Variants in NOTCH2 observed in about 807,000 individuals in gnomAD.
NOTCH2 encodes notch receptor 2, also known as neurogenic locus notch homolog protein 2.
NOTCH2 carries 29 observed loss-of-function variants against 235.8 expected under a neutral mutation model. The ratio of observed to expected loss-of-function variants is 0.12; its 90% confidence interval spans 0.09 to 0.17. NOTCH2 has a LOEUF of 0.17. Ranked by LOEUF, NOTCH2 falls within the 10% of genes least tolerant of loss-of-function variation. The pLI, the probability that NOTCH2 is intolerant of heterozygous loss-of-function variation, is 1.00. For synonymous variants in NOTCH2, 1,086 were observed against 1,141.5 expected, an observed-to-expected ratio of 0.95 and a Z score of 0.98; for missense variants, 2,285 against 3,150.2, an observed-to-expected ratio of 0.73 and a Z score of 6.57.
At chr1:119,983,280 A>G (rs1651881788) in intron 5 of NOTCH2, among the ~76,000 whole-genome samples, 1 of 151,710 alleles carries the variant, frequency 6.6e-6, no homozygotes, top group Non-Finnish European at 1.5e-5. Flanking sequence ...TAGCCTCCCA[A>G]GTGACCAGGA....
chr1:119,973,606 G>T lies in NOTCH2; in HGVS notation c.875-3862C>A, dbSNP rs1488641229. 3.3e-5 allele frequency among the ~76,000 whole-genome samples: 5 copies of T among 152,298 alleles called. No individual in the cohort carries two copies. The East Asian group carries it at 9.6e-4, about 29-fold the overall frequency. On this transcript the variant is annotated intron_variant, in intron 5 of 33. Coordinates refer to ENST00000256646, the MANE Select transcript of NOTCH2 (RefSeq NM_024408.4). Reference sequence around the variant, plus strand: ...TGTGATCAACACAATCTACAGATGAGGTCGCTGATCCCAGGGTCTTACAGC... The same window carrying T: ...TGTGATCAACACAATCTACAGATGATGTCGCTGATCCCAGGGTCTTACAGC...
chr1:119,944,377 TA>T (rs1480313003), intron 17 of NOTCH2, among the ~76,000 whole-genome samples: 2 of 151,454 alleles, frequency 1.3e-5, no homozygotes, highest in African/African-American at 4.9e-5. Flanking sequence ...CTACTAAAAA[TA>T]CAAAAAATCA....
intron 2 of NOTCH2, among the ~76,000 whole-genome samples, chr1:120,014,743 C>G (rs1553207617): frequency 8.8e-6 from 1 of 113,494 alleles, no homozygotes; most frequent in Non-Finnish European, 1.8e-5. Context: ...ATCAGTCTCC[C>G]TAGTAATACA....
At chr1:119,987,152 G>T in intron 4 of NOTCH2, 70 bp from the exon 5 acceptor site, 2 of 1,587,466 alleles carry the variant, frequency 1.3e-6, no homozygotes, top group Non-Finnish European at 8.6e-7. Context: ...TGTTCCCACA[G>T]AACATGGTTA....
At chr1:119,940,034 G>A (rs1005467095) in intron 19 of NOTCH2, among the ~76,000 whole-genome samples, 2 of 152,204 alleles carry the variant, frequency 1.3e-5, no homozygotes, top group African/African-American at 4.8e-5. Context: ...TGAAATCGAA[G>A]GTTAGATTAG....
In NOTCH2 at chr1:119,923,902, G is replaced by T. The variant is rs747949288; in HGVS notation, c.4594C>A (p.Leu1532Met). 6.2e-7 allele frequency: 1 copy of T among 1,614,144 alleles called. No homozygotes were observed. Among genetic ancestry groups the T allele is most frequent in the Non-Finnish European group, 8.5e-7 (1 of 1,180,028 alleles). The change falls in exon 26 of 34, where the codon CTG (leucine) becomes ATG (methionine). Residue 1532 changes from leucine (L) to methionine (M), a missense_variant. Physicochemically the swap from Leu to Met is conservative, Grantham distance 15 (BLOSUM62 2). Around this residue, in one of 6 missense-constraint regions of NOTCH2, gnomAD observed 1,173 missense variants for 1,515.3 expected, o/e 0.77. Transcript: ENST00000256646. ...TCAGGTTGGTCAGCAGCACAGTCCA[G>T]CCCATCCCAACCACACTCCTCACTG... ...CNSEECGWDG[L>M]DCAADQPENL...
intron 2 of NOTCH2, among the ~76,000 whole-genome samples, chr1:120,011,089 A>G (rs1416660259): frequency 1.3e-5 from 2 of 152,204 alleles, no homozygotes; most frequent in African/African-American, 4.8e-5. Context: ...TAGAAAGTAG[A>G]TTAGTGTTGC....
At chr1:119,965,379 C>G in intron 10 of NOTCH2, 74 bp downstream of exon 10, 1 of 1,133,468 alleles carries the variant, frequency 8.8e-7, no homozygotes, top group Non-Finnish European at 1.3e-6. Flanking sequence ...CAGCAGCTAG[C>G]AGAGGACAGG....
In NOTCH2 at chr1:119,911,890, C is replaced by T. The variant is rs949011793; in HGVS notation, c.*3416G>A. 68 of 233,016 alleles carry T rather than the reference C, an allele frequency of 2.9e-4. No homozygotes were observed. Among genetic ancestry groups the T allele is most frequent in the African/African-American group, 1.4e-3 (65 of 45,294 alleles). The allele number at this position is 233,016 out of a possible 1,614,324, so 14.4% of individuals were successfully genotyped here. A position where few individuals can be genotyped will look rare whatever the true frequency, so the allele number is the denominator to read the frequency against. On this transcript the variant is annotated 3_prime_UTR_variant, in exon 34 of 34. Coordinates refer to ENST00000256646, the MANE Select transcript of NOTCH2 (RefSeq NM_024408.4). ...TTGACAGATGCTTTTTCCCCAGGAT[C>T]ATTTATTTATGATCTAATTAAAGGA...
Position 119,948,552 on chromosome 1 carries a change from T to C in NOTCH2, c.2614A>G (p.Ile872Val), listed in dbSNP as rs1650343156. 9 of 1,614,122 alleles carry C rather than the reference T, an allele frequency of 5.6e-6. No homozygotes were observed. The highest frequency in any genetic ancestry group is 7.6e-6 in the Non-Finnish European group (9 of 1,179,998). ...APGWQGQRCT[I>V]DIDECISKPC... ...TTGGAGATACACTCGTCAATGTCAATGGTACACCGCTGACCTAGGAACACA... is the reference window on the plus strand; with the variant it reads ...TTGGAGATACACTCGTCAATGTCAACGGTACACCGCTGACCTAGGAACACA... The change falls in exon 17 of 34, where the codon ATT becomes GTT. Residue 872 changes from isoleucine (I) to valine (V), a missense_variant. Physicochemically the swap from Ile to Val is conservative, Grantham distance 29 (BLOSUM62 3). This residue lies in a region of NOTCH2 where 1,173 missense variants were observed against 1,515.3 expected (regional missense o/e 0.77). Transcript: ENST00000256646.
intron 2 of NOTCH2, among the ~76,000 whole-genome samples, chr1:120,006,907 A>G (rs1330282561): frequency 2.0e-5 from 3 of 152,206 alleles, no homozygotes; most frequent in African/African-American, 7.2e-5. Flanking sequence ...AGCAGGGGTC[A>G]CAGTTACTGA....
chr1:120,010,006 G>A (rs1570742994), intron 2 of NOTCH2, among the ~76,000 whole-genome samples: 1 of 151,990 alleles, frequency 6.6e-6, no homozygotes. Context: ...CCTAATATGT[G>A]CTGCCACTAT....
intron 11 of NOTCH2, among the ~76,000 whole-genome samples, chr1:119,962,080 C>G (rs587741520): frequency 1.3e-5 from 2 of 152,146 alleles, no homozygotes; most frequent in African/African-American, 4.8e-5. Flanking sequence ...TGACAGATTC[C>G]GGGCCTTCCT....
Position 119,937,166 on chromosome 1 carries a change from A to G in NOTCH2, c.3522+116T>C, listed in dbSNP as rs1215515624. On this transcript the variant is annotated intron_variant, in intron 21 of 33. Coordinates refer to ENST00000256646, the MANE Select transcript of NOTCH2 (RefSeq NM_024408.4). Reference sequence around the variant, plus strand: ...GGTAAACATTATGACGGGGATTGGTAAAAATCTATAAACTATCAATATAAG... The same window carrying G: ...GGTAAACATTATGACGGGGATTGGTGAAAATCTATAAACTATCAATATAAG... 5 of 1,077,456 alleles carry G rather than the reference A, an allele frequency of 4.6e-6. No homozygotes were observed. The African/African-American group carries it at 4.7e-5, about 10-fold the overall frequency. The allele number at this position is 1,077,456 out of a possible 1,614,324, so 66.7% of individuals were successfully genotyped here.
intron 14 of NOTCH2, among the ~76,000 whole-genome samples, chr1:119,951,343 G>C (rs1415026544): frequency 7.2e-5 from 11 of 151,984 alleles, no homozygotes; most frequent in African/African-American, 2.7e-4. Context: ...GTAGAGATGA[G>C]GTCTCGTTAT....
At chr1:119,917,148 T>C (rs1454063701) in intron 33 of NOTCH2, among the ~76,000 whole-genome samples, 1 of 151,024 alleles carries the variant, frequency 6.6e-6, no homozygotes, top group African/African-American at 2.4e-5. Flanking sequence ...TGCACAGAAC[T>C]GGGAAAAGTA....
At chr1:119,953,809 T>A in intron 13 of NOTCH2, 121 bp from the exon 14 acceptor site, 1 of 877,282 alleles carries the variant, frequency 1.1e-6, no homozygotes, top group Non-Finnish European at 1.9e-6. Context: ...TTCATGGAAC[T>A]ATCCTTGCAT....
In NOTCH2 at chr1:120,029,013, G is replaced by A. The variant is rs1653984514; in HGVS notation, c.155+893C>T. Among the ~76,000 whole-genome samples the A allele has an allele frequency of 2.7e-5, 4 of 150,896 alleles. No individual in the cohort carries two copies. In the South Asian group the frequency reaches 8.4e-4, roughly 32 times the overall value. Reference sequence around the variant, plus strand: ...GCTAGAGTAGATGGTTGGAGAAAAAGGAAAAAAAAATGCTCTTAAGCCAAG... The same window carrying A: ...GCTAGAGTAGATGGTTGGAGAAAAAAGAAAAAAAAATGCTCTTAAGCCAAG... On this transcript the variant is annotated intron_variant, in intron 2 of 33. Coordinates refer to ENST00000256646, the MANE Select transcript of NOTCH2 (RefSeq NM_024408.4).
At chr1:120,002,404 T>C (rs1413985136) in intron 3 of NOTCH2, among the ~76,000 whole-genome samples, 1 of 151,158 alleles carries the variant, frequency 6.6e-6, no homozygotes, top group Non-Finnish European at 1.5e-5. Context: ...AGGAGATCCA[T>C]TAGGGCGTCT....
Sources: allele counts gnomAD v4.1 joint callset (sites outside exome capture counted in the v4.1 genomes callset), GRCh38; gene constraint gnomAD v4.1.1; regional missense constraint gnomAD v4.1.1; transcripts MANE v1.5; gene names NCBI Gene and HGNC (gene_info 2026-07-23, HGNC 2026-07-21).